Variants in CNTN4 observed in about 807,000 individuals in gnomAD.
CNTN4 encodes the protein contactin 4, also known as contactin-4.
CNTN4 carries 77 observed loss-of-function variants against 122.5 expected under a neutral mutation model. That is an observed-to-expected ratio of 0.63 (90% confidence interval 0.52 to 0.76). CNTN4 has a LOEUF of 0.76. Ranked by LOEUF, CNTN4 falls within the 30% of genes least tolerant of loss-of-function variation. CNTN4 has a pLI of 0.00. For synonymous variants in CNTN4, 512 were observed against 447.0 expected, an observed-to-expected ratio of 1.15 and a Z score of -1.83; for missense variants, 1,256 against 1,259.1, an observed-to-expected ratio of 1.00 and a Z score of 0.04.
At chr3:2,655,627 A>G (rs1455399988) in intron 4 of CNTN4, among the ~76,000 whole-genome samples, 1 of 152,192 alleles carries the variant, frequency 6.6e-6, no homozygotes, top group Non-Finnish European at 1.5e-5. Context: ...TCATTGAGTC[A>G]TCTGAAAGTA....
intron 3 of CNTN4, among the ~76,000 whole-genome samples, chr3:2,538,561 G>A (rs1409947512): frequency 1.3e-5 from 2 of 151,932 alleles, no homozygotes; most frequent in African/African-American, 4.8e-5. Flanking sequence ...ATACTAACTT[G>A]TCTCTAATTT....
chr3:2,642,673 A>G lies in CNTN4; in HGVS notation c.55+71115A>G, dbSNP rs2728076. Among the ~76,000 whole-genome samples, 83,251 of 151,986 alleles carry G rather than the reference A, an allele frequency of 0.55. 23,111 individuals carry two copies. Among genetic ancestry groups the G allele is most frequent in the East Asian group, 0.72 (3,696 of 5,168 alleles). On this transcript the variant is annotated intron_variant, in intron 4 of 24. Transcript: ENST00000418658. ...AATCTAATATGTGTAGCTTCCCTGTATTTGATGAATCCCCTCCTTAATGTC... is the reference window on the plus strand; with the variant it reads ...AATCTAATATGTGTAGCTTCCCTGTGTTTGATGAATCCCCTCCTTAATGTC...
intron 12 of CNTN4, among the ~76,000 whole-genome samples, chr3:2,912,226 A>G (rs561294954): frequency 5.9e-5 from 9 of 152,364 alleles, no homozygotes; most frequent in Admixed American, 2.6e-4. Context: ...GTGCATCTGT[A>G]AGATTATCAA....
chr3:2,294,231 C>A (rs1188851214), intron 2 of CNTN4, among the ~76,000 whole-genome samples: 1 of 151,416 alleles, frequency 6.6e-6, no homozygotes, highest in African/African-American at 2.4e-5. Flanking sequence ...CAGACAAAAC[C>A]TATTGATGTC....
At chr3:2,646,598 G>T (rs1368906343) in intron 4 of CNTN4, among the ~76,000 whole-genome samples, 2 of 152,110 alleles carry the variant, frequency 1.3e-5, no homozygotes, top group Admixed American at 6.5e-5. Flanking sequence ...TTTCTTTATT[G>T]TTATCTATTA....
intron 4 of CNTN4, among the ~76,000 whole-genome samples, chr3:2,706,144 C>G (rs2086721990): frequency 6.6e-6 from 1 of 150,784 alleles, no homozygotes; most frequent in Non-Finnish European, 1.5e-5. Context: ...AGCCAAATGA[C>G]TACAGAAAAT....
chr3:2,256,187 C>A (rs1351979301), intron 2 of CNTN4, among the ~76,000 whole-genome samples: 1 of 152,118 alleles, frequency 6.6e-6, no homozygotes, highest in Non-Finnish European at 1.5e-5. Flanking sequence ...ACGAGAAAAT[C>A]TGGAAGAAAT....
At chr3:2,439,075 C>T (rs1317823508) in intron 3 of CNTN4, among the ~76,000 whole-genome samples, 1 of 152,160 alleles carries the variant, frequency 6.6e-6, no homozygotes, top group Non-Finnish European at 1.5e-5. Flanking sequence ...AATTGGAGAT[C>T]CTTAAGGATT....
chr3:2,712,990 TC>T (rs2087245085), intron 4 of CNTN4, among the ~76,000 whole-genome samples: 1 of 152,192 alleles, frequency 6.6e-6, no homozygotes, highest in African/African-American at 2.4e-5. Flanking sequence ...CTTTGTGATA[TC>T]CTTTATGATA....
chr3:2,103,895 G>C (rs574599458), intron 2 of CNTN4, among the ~76,000 whole-genome samples: 20 of 152,230 alleles, frequency 1.3e-4, no homozygotes, highest in African/African-American at 4.6e-4. Context: ...ATGCCTGTTA[G>C]AGTTTTGGTT....
intron 4 of CNTN4, among the ~76,000 whole-genome samples, chr3:2,715,898 A>G (rs946688920): frequency 1.3e-5 from 2 of 152,180 alleles, no homozygotes; most frequent in African/African-American, 4.8e-5. Flanking sequence ...CAACATCTGA[A>G]TTTTAGGTGA....
intron 4 of CNTN4, among the ~76,000 whole-genome samples, chr3:2,645,681 G>C (rs529348088): frequency 6.6e-6 from 1 of 152,046 alleles, no homozygotes; most frequent in Non-Finnish European, 1.5e-5. Flanking sequence ...AAATCTACTG[G>C]GAATATGTGA....
intron 3 of CNTN4, among the ~76,000 whole-genome samples, chr3:2,394,807 G>C (rs1275657322): frequency 3.6e-5 from 1 of 28,018 alleles, no homozygotes; most frequent in Non-Finnish European, 8.7e-5. Context: ...TTTTTTTTTT[G>C]AGACAATCTC....
chr3:2,683,934 T>A (rs979127519), intron 4 of CNTN4, among the ~76,000 whole-genome samples: 1 of 152,116 alleles, frequency 6.6e-6, no homozygotes, highest in Admixed American at 6.5e-5. Flanking sequence ...AAGCCAGCCT[T>A]TTAAAGAAAT....
chr3:2,316,109 A>G (rs1322678611), intron 2 of CNTN4, among the ~76,000 whole-genome samples: 1 of 152,086 alleles, frequency 6.6e-6, no homozygotes, highest in Admixed American at 6.6e-5. Context: ...GTCATCTTTT[A>G]TGATGAACAC....
At chr3:2,795,220 G>A (rs2092133471) in intron 6 of CNTN4, among the ~76,000 whole-genome samples, 1 of 152,238 alleles carries the variant, frequency 6.6e-6, no homozygotes, top group African/African-American at 2.4e-5. Flanking sequence ...ACAGTCATGA[G>A]CAAATAATCT....
At chr3:2,545,081 T>A (rs2078188045) in intron 3 of CNTN4, among the ~76,000 whole-genome samples, 1 of 152,090 alleles carries the variant, frequency 6.6e-6, no homozygotes, top group Non-Finnish European at 1.5e-5. Context: ...TCTTTGTTCT[T>A]ATTAGTTTCA....
intron 3 of CNTN4, among the ~76,000 whole-genome samples, chr3:2,545,999 G>A (rs1011501706): frequency 2.0e-5 from 3 of 151,936 alleles, no homozygotes; most frequent in Admixed American, 6.6e-5. Flanking sequence ...TAGCTATTAT[G>A]AAAAAGTCAA....
chr3:2,854,277 T>TTTC (rs1193319029), intron 7 of CNTN4, among the ~76,000 whole-genome samples: 1 of 142,918 alleles, frequency 7.0e-6, no homozygotes, highest in Non-Finnish European at 1.5e-5. Flanking sequence ...TCTTTTTTTT[T>TTTC]TTTTTTTTTT....
Sources: gnomAD v4.1 joint callset for allele counts (sites outside exome capture counted in the v4.1 genomes callset) on GRCh38, gnomAD v4.1.1 for gene constraint, MANE v1.5 for transcripts, NCBI Gene and HGNC (gene_info 2026-07-23, HGNC 2026-07-21) for gene names.